Variants in SPSB4 observed in about 807,000 individuals in gnomAD.
SPSB4 encodes the protein splA/ryanodine receptor domain and SOCS box containing 4, also known as SPRY domain-containing SOCS box protein 4.
A neutral mutation model predicts 20.9 loss-of-function variants in SPSB4; 21 were observed. The ratio of observed to expected loss-of-function variants is 1.01; its 90% CI spans 0.71 to 1.45. SPSB4 has a LOEUF of 1.45. SPSB4 is among the 40% of genes most tolerant of loss of function. The probability of loss-of-function intolerance (pLI) is 0.00; values close to 1 mark genes in which losing one functional copy is unlikely to be tolerated. For synonymous variants in SPSB4, 207 were observed against 183.8 expected, an observed-to-expected ratio of 1.13 and a Z score of -1.02; for missense variants, 399 against 399.2, an observed-to-expected ratio of 1.00 and a Z score of 0.00.
In SPSB4 at chr3:141,094,168, C is replaced by T. The variant is rs528929613; in HGVS notation, c.694+27370C>T. On this transcript the variant is annotated intron_variant, in intron 2 of 2. Coordinates refer to ENST00000310546, the MANE Select transcript of SPSB4 (RefSeq NM_080862.3). ...GTGGTCTGCCCTGAGGCTGACACTG[C>T]GTATGTCCACCTTCTCTTCCTCCTC... Among the ~76,000 whole-genome samples the T allele has an allele frequency of 1.6e-4, 25 of 152,332 alleles. 1 individual carries two copies. In the South Asian group the frequency reaches 2.9e-3, roughly 18 times the overall value.
chr3:141,123,226 A>G (rs1337305848), intron 2 of SPSB4, among the ~76,000 whole-genome samples: 1 of 152,102 alleles, frequency 6.6e-6, no homozygotes, highest in Non-Finnish European at 1.5e-5. Context: ...TTATGTATTT[A>G]CCCCTTTATA....
At chr3:141,093,949 C>T (rs891840227) in intron 2 of SPSB4, among the ~76,000 whole-genome samples, 4 of 152,218 alleles carry the variant, frequency 2.6e-5, no homozygotes, top group Admixed American at 2.6e-4. Context: ...TCTGTTTCCA[C>T]CTCTGGGAAG....
chr3:141,058,961 C>T (rs189843567), intron 1 of SPSB4, among the ~76,000 whole-genome samples: 99 of 152,324 alleles, frequency 6.5e-4, no homozygotes, highest in African/African-American at 2.2e-3. Flanking sequence ...ACAACCTCTC[C>T]ACAGTCCATA....
At chr3:141,114,456 A>G (rs906892074) in intron 2 of SPSB4, among the ~76,000 whole-genome samples, 1 of 152,210 alleles carries the variant, frequency 6.6e-6, no homozygotes, top group African/African-American at 2.4e-5. Context: ...CGGCTCTGCA[A>G]TATTGTGCTA....
At chr3:141,063,128 A>G (rs1040984308) in intron 1 of SPSB4, among the ~76,000 whole-genome samples, 3 of 152,080 alleles carry the variant, frequency 2.0e-5, no homozygotes, top group Non-Finnish European at 4.4e-5. Context: ...CTCACTTAAA[A>G]CCTTTTGTCC....
chr3:141,147,459 C>T lies in SPSB4; in HGVS notation c.*190C>T, dbSNP rs948987310. 6 of 941,768 alleles carry T rather than the reference C, an allele frequency of 6.4e-6. No homozygotes were observed. Among genetic ancestry groups the T allele is most frequent in the African/African-American group, 3.3e-5 (2 of 60,326 alleles). The allele number at this position is 941,768 out of a possible 1,614,324, so 58.3% of individuals were successfully genotyped here. On this transcript the variant is annotated 3_prime_UTR_variant, in exon 3 of 3. Coordinates refer to ENST00000310546, the MANE Select transcript of SPSB4 (RefSeq NM_080862.3). ...AAAGGTCTCTTGCCAACAGTATCTA[C>T]TGCCCTCGAGGCAGCCCTCCCAAGT...
chr3:141,129,048 A>T (rs753147740), intron 2 of SPSB4, among the ~76,000 whole-genome samples: 1 of 152,196 alleles, frequency 6.6e-6, no homozygotes, highest in Non-Finnish European at 1.5e-5. Flanking sequence ...GCAACAGTGT[A>T]GCTCCCTTTA....
At chr3:141,081,724 G>A (rs1312508975) in intron 2 of SPSB4, among the ~76,000 whole-genome samples, 5 of 152,174 alleles carry the variant, frequency 3.3e-5, no homozygotes, top group South Asian at 2.1e-4. Context: ...CCTTGGGGAC[G>A]TCCCTGAGCC....
Position 141,066,119 on chromosome 3 carries a change from C to T in SPSB4, c.15C>T (p.Leu5=). 6.5e-7 allele frequency: 1 copy of T among 1,529,124 alleles called. No homozygotes were observed. The highest frequency in any genetic ancestry group is 8.8e-7 in the Non-Finnish European group (1 of 1,141,536). The allele number at this position is 1,529,124 out of a possible 1,614,324, so 94.7% of individuals were successfully genotyped here. ...CGCAGTGAAGCATGGGCCAGAAGCT[C>T]TCGGGGAGCCTCAAGTCAGTGGAGG... is the stretch of plus-strand genomic sequence containing the variant. The part of the protein sequence containing the change: MGQK[L]SGSLKSVEVR... The change falls in exon 2 of 3, where the codon CTC becomes CTT. Residue 5 remains leucine (L), a synonymous_variant. Transcript: ENST00000310546.
intron 2 of SPSB4, chr3:141,115,314 A>G (rs1938866230): frequency 6.6e-6 from 1 of 152,226 alleles, no homozygotes; most frequent in Admixed American, 6.5e-5. Context: ...TGACATCCCT[A>G]ACGGTGGTGG....
intron 2 of SPSB4, among the ~76,000 whole-genome samples, chr3:141,110,811 G>A (rs957201480): frequency 1.3e-5 from 2 of 152,226 alleles, no homozygotes; most frequent in Non-Finnish European, 2.9e-5. Context: ...GGAAGGATAA[G>A]CTGATCATTG....
At chr3:141,107,906 GATCACACCACT>G (rs957370751) in intron 2 of SPSB4, among the ~76,000 whole-genome samples, 13 of 151,072 alleles carry the variant, frequency 8.6e-5, no homozygotes, top group African/African-American at 2.9e-4. Context: ...AGTGAACCGA[GATCACACCACT>G]GCACTCCAGC....
At chr3:141,074,543 C>T (rs1938066866) in intron 2 of SPSB4, among the ~76,000 whole-genome samples, 1 of 152,198 alleles carries the variant, frequency 6.6e-6, no homozygotes, top group South Asian at 2.1e-4. Context: ...GAAATGCCAC[C>T]TGAGGTTCAC....
At chr3:141,067,079 CAT>C (rs752749873) in intron 2 of SPSB4, among the ~76,000 whole-genome samples, 2 of 152,282 alleles carry the variant, frequency 1.3e-5, no homozygotes, top group African/African-American at 2.4e-5. Context: ...ATCTAGATAA[CAT>C]GTGTGAAGTG....
At chr3:141,070,313 TTG>T (rs1937975496) in intron 2 of SPSB4, among the ~76,000 whole-genome samples, 1 of 151,996 alleles carries the variant, frequency 6.6e-6, no homozygotes, top group African/African-American at 2.4e-5. Flanking sequence ...TTTCTTTTTG[TTG>T]TTGTTGTTGT....
chr3:141,092,755 C>T (rs1938479744), intron 2 of SPSB4, among the ~76,000 whole-genome samples: 1 of 152,252 alleles, frequency 6.6e-6, no homozygotes, highest in Admixed American at 6.5e-5. Flanking sequence ...GAGGAGGCAA[C>T]ATTCCCTGCA....
chr3:141,129,971 G>A (rs1018090601), intron 2 of SPSB4, among the ~76,000 whole-genome samples: 2 of 152,242 alleles, frequency 1.3e-5, no homozygotes, highest in African/African-American at 2.4e-5. Context: ...ATCTGAAGAT[G>A]CTGCTTGTGT....
At chr3:141,055,326 G>A (rs1281783587) in intron 1 of SPSB4, among the ~76,000 whole-genome samples, 1 of 152,144 alleles carries the variant, frequency 6.6e-6, no homozygotes, top group East Asian at 1.9e-4. Context: ...GAGAATGTCA[G>A]CCAGGTCAGA....
chr3:141,059,827 C>T (rs569221609), intron 1 of SPSB4, among the ~76,000 whole-genome samples: 1 of 151,974 alleles, frequency 6.6e-6, no homozygotes, highest in East Asian at 1.9e-4. Context: ...TGTGATGTGC[C>T]AGACTTTACA....
Sources: gnomAD v4.1 joint callset for allele counts (sites outside exome capture counted in the v4.1 genomes callset) on GRCh38, gnomAD v4.1.1 for gene constraint, MANE v1.5 for transcripts, NCBI Gene and HGNC (gene_info 2026-07-23, HGNC 2026-07-21) for gene names.